CDH4: variants seen among roughly 807,000 people sequenced by gnomAD.
The protein encoded by CDH4 is cadherin-4.
In CDH4, 33 loss-of-function variants were observed where a neutral mutation model predicts 86.0. That is an observed-to-expected ratio of 0.38 (90% CI 0.29 to 0.51). The LOEUF is 0.51. CDH4 is among the 20% of genes least tolerant of loss of function. CDH4 has a pLI of 0.86. For missense variants in CDH4, 1,114 were observed against 1,307.4 expected, an observed-to-expected ratio of 0.85 and a Z score of 2.28; for synonymous variants, 555 against 549.4, an observed-to-expected ratio of 1.01 and a Z score of -0.14.
intron 2 of CDH4, among the ~76,000 whole-genome samples, chr20:61,341,607 A>G (rs2084649594): frequency 6.6e-6 from 1 of 151,398 alleles, no homozygotes; most frequent in South Asian, 2.1e-4. Flanking sequence ...CTGGTAAATG[A>G]GAAGATTGGA....
chr20:61,298,067 T>C (rs1876826551), intron 2 of CDH4, among the ~76,000 whole-genome samples: 2 of 152,234 alleles, frequency 1.3e-5, no homozygotes, highest in Admixed American at 1.3e-4. Context: ...GTGGCCTTTG[T>C]GCAGGCGGGT....
chr20:61,375,368 G>T (rs1279232146), intron 2 of CDH4, among the ~76,000 whole-genome samples: 1 of 152,056 alleles, frequency 6.6e-6, no homozygotes, highest in Non-Finnish European at 1.5e-5. Context: ...CATGCTGATT[G>T]TGATGGTTGG....
chr20:61,591,886 A>G (rs2086521616), intron 2 of CDH4, among the ~76,000 whole-genome samples: 1 of 131,106 alleles, frequency 7.6e-6, no homozygotes, highest in African/African-American at 2.8e-5. Context: ...TTGGGAAGCC[A>G]TTGAGCTTGC....
chr20:61,481,167 C>T (rs572055403), intron 2 of CDH4, among the ~76,000 whole-genome samples: 2 of 152,250 alleles, frequency 1.3e-5, no homozygotes, highest in South Asian at 2.1e-4. Context: ...GCAGTTTCAC[C>T]CCCCAGGGAA....
rs1186875453 is a variant in CDH4, at chr20:61,709,828, TA to T, written c.170-33734del. Among the ~76,000 whole-genome samples, 1 of 152,182 alleles carries T rather than the reference TA, an allele frequency of 6.6e-6. No homozygotes were observed. The highest frequency in any genetic ancestry group is 1.5e-5 in the Non-Finnish European group (1 of 68,036). ...TTTCCCACAGATGGCACAAGCTAAT[TA>T]TTCTCATTTGTGTAGCACCTTACAC... On this transcript the variant is annotated intron_variant, in intron 2 of 15. Transcript: ENST00000614565. This position sits in a 1 kb window ranked among gnomAD's most constrained non-coding sequence, Gnocchi z 4.8.
chr20:61,702,251 C>A (rs1393861106), intron 2 of CDH4, among the ~76,000 whole-genome samples: 1 of 152,194 alleles, frequency 6.6e-6, no homozygotes, highest in Non-Finnish European at 1.5e-5. Context: ...CTGGGTTTTG[C>A]TGAGAACCAC....
At chr20:61,790,347 G>T (rs1463372349) in intron 4 of CDH4, among the ~76,000 whole-genome samples, 1 of 143,820 alleles carries the variant, frequency 7.0e-6, no homozygotes, top group Non-Finnish European at 1.5e-5. Context: ...TCATCCATTT[G>T]TCTCTTCATC....
At chr20:61,646,139 A>G (rs912594709) in intron 2 of CDH4, among the ~76,000 whole-genome samples, 2 of 152,116 alleles carry the variant, frequency 1.3e-5, no homozygotes, top group African/African-American at 4.8e-5. Flanking sequence ...CTTTCAGCTC[A>G]GAGGACCGAG....
At chr20:61,729,376 G>A (rs571583040) in intron 2 of CDH4, among the ~76,000 whole-genome samples, 1 of 152,186 alleles carries the variant, frequency 6.6e-6, no homozygotes, top group Non-Finnish European at 1.5e-5. Flanking sequence ...GTAAATACCT[G>A]CCTCAGAATG....
intron 2 of CDH4, among the ~76,000 whole-genome samples, chr20:61,553,584 A>G (rs2086151853): frequency 6.6e-6 from 1 of 152,218 alleles, no homozygotes. Flanking sequence ...TTGTTGGGTC[A>G]TAGGGAATGC....
intron 2 of CDH4, among the ~76,000 whole-genome samples, chr20:61,547,193 GA>G (rs1375324863): frequency 7.3e-6 from 1 of 137,130 alleles, no homozygotes; most frequent in Non-Finnish European, 1.5e-5. Flanking sequence ...CTCAGCCCCA[GA>G]GCTCTTTTTT....
intron 2 of CDH4, among the ~76,000 whole-genome samples, chr20:61,344,623 A>G (rs1223526694): frequency 1.3e-5 from 2 of 152,138 alleles, no homozygotes; most frequent in African/African-American, 4.8e-5. Flanking sequence ...GAGGTAAGCC[A>G]TTGTGTTTCC....
chr20:61,620,340 A>T (rs981687313), intron 2 of CDH4, among the ~76,000 whole-genome samples: 1 of 151,176 alleles, frequency 6.6e-6, no homozygotes, highest in African/African-American at 2.5e-5. Context: ...GGATAGATGG[A>T]TGGATAGATA....
At chr20:61,830,852 C>G (rs1277646456) in intron 4 of CDH4, among the ~76,000 whole-genome samples, 1 of 152,252 alleles carries the variant, frequency 6.6e-6, no homozygotes, top group East Asian at 1.9e-4. Flanking sequence ...GCTGCAGGAG[C>G]TTGCCAACTG....
intron 2 of CDH4, among the ~76,000 whole-genome samples, chr20:61,567,677 A>G (rs2086310260): frequency 6.6e-6 from 1 of 152,226 alleles, no homozygotes; most frequent in African/African-American, 2.4e-5. Flanking sequence ...CAGAGGGGAA[A>G]TGAGCTGGAG....
chr20:61,661,725 C>T (rs929612158), intron 2 of CDH4, among the ~76,000 whole-genome samples: 5 of 152,194 alleles, frequency 3.3e-5, no homozygotes, highest in East Asian at 1.9e-4. Context: ...TCACAGCCAC[C>T]GCACACATTT....
intron 3 of CDH4, among the ~76,000 whole-genome samples, chr20:61,756,339 G>A (rs1204345684): frequency 1.3e-5 from 2 of 152,196 alleles, no homozygotes; most frequent in Non-Finnish European, 2.9e-5. Flanking sequence ...TTGCTGAGCT[G>A]TGGAGGTGGG....
rs1405354500 is a variant in CDH4 at position 61,810,127 on chromosome 20, G to A, written c.577-34541G>A. Among the ~76,000 whole-genome samples, 1 of 152,204 alleles carries A rather than the reference G, an allele frequency of 6.6e-6. No homozygotes were observed. The highest frequency in any genetic ancestry group is 1.5e-5 in the Non-Finnish European group (1 of 68,026). On this transcript the variant is annotated intron_variant, in intron 4 of 15. Coordinates refer to ENST00000614565, the MANE Select transcript of CDH4 (RefSeq NM_001794.5). The surrounding 1 kb of genome is among the most constrained non-coding windows in gnomAD (Gnocchi z 4.3). Reference sequence around the variant, plus strand: ...CAGACCTGGACGGGCCTCAGCCGGGGTGGGGTGGGGGGCACCTGAGCCTAG... The same window carrying A: ...CAGACCTGGACGGGCCTCAGCCGGGATGGGGTGGGGGGCACCTGAGCCTAG...
intron 2 of CDH4, among the ~76,000 whole-genome samples, chr20:61,528,387 G>A (rs1015054578): frequency 7.5e-6 from 1 of 133,450 alleles, no homozygotes; most frequent in Non-Finnish European, 1.6e-5. Context: ...AAAGAAAGAT[G>A]AGAGGAGGGG....
Sources: allele counts gnomAD v4.1 joint callset (sites outside exome capture counted in the v4.1 genomes callset), GRCh38; gene constraint gnomAD v4.1.1; non-coding constraint Gnocchi (gnomAD v3.1); transcripts MANE v1.5; gene names NCBI Gene and HGNC (gene_info 2026-07-23, HGNC 2026-07-21).